DGKB: variants seen among roughly 807,000 people sequenced by gnomAD.
DGKB encodes 90 kDa diacylglycerol kinase.
In DGKB, 67 loss-of-function variants were observed where a neutral mutation model predicts 114.3. The ratio of observed to expected loss-of-function variants is 0.59; its 90% CI spans 0.48 to 0.72. The LOEUF (loss-of-function observed/expected upper bound fraction) is 0.72, where lower values mean the gene tolerates loss of function less well. Ranked by LOEUF, DGKB falls within the 30% of genes least tolerant of loss-of-function variation. DGKB has a pLI of 0.00. For synonymous variants in DGKB, 398 were observed against 323.1 expected (o/e 1.23, Z -2.49); for missense variants, 907 against 975.2 (o/e 0.93, Z 0.93).
intron 23 of DGKB, among the ~76,000 whole-genome samples, chr7:14,259,770 G>T (rs939371268): frequency 6.6e-6 from 1 of 151,938 alleles, no homozygotes; most frequent in African/African-American, 2.4e-5. Context: ...CGTTTGCCTT[G>T]TAACTATAGA....
At position 14,959,331 on chromosome 7, in the gene DGKB, T is replaced by C. The variant is rs1043089972; in HGVS notation, c.-188+15365A>G. 3.3e-5 allele frequency among the ~76,000 whole-genome samples: 5 copies of C among 151,968 alleles called. No individual in the cohort carries two copies. The East Asian group carries it at 5.8e-4, about 18-fold the overall frequency. ...GCTACTGATTTTGACAGACTGATTT[T>C]ATACCTAGCTGACTAATTTTATACC... On this transcript the variant is annotated intron_variant, in intron 1 of 4. Coordinates refer to the DGKB transcript ENST00000437998.
intron 25 of DGKB, among the ~76,000 whole-genome samples, chr7:14,174,704 C>G (rs1451447301): frequency 6.6e-6 from 1 of 152,108 alleles, no homozygotes; most frequent in Non-Finnish European, 1.5e-5. Context: ...TCCACCATCA[C>G]GGTAGCAGCT....
intron 23 of DGKB, among the ~76,000 whole-genome samples, chr7:14,185,892 T>C (rs11977252): frequency 0.019 from 2,828 of 152,266 alleles, 77 homozygotes; most frequent in African/African-American, 0.064. Flanking sequence ...GACTTAAACC[T>C]AAGACCTGAA....
intron 21 of DGKB, among the ~76,000 whole-genome samples, chr7:14,347,376 G>A (rs1290874096): frequency 6.6e-6 from 1 of 151,958 alleles, no homozygotes; most frequent in Non-Finnish European, 1.5e-5. Context: ...ATGGAAAACA[G>A]TACTAAGTTT....
At chr7:14,621,074 A>T (rs1336563158) in intron 15 of DGKB, 1 of 218,772 alleles carries the variant, frequency 4.6e-6, no homozygotes, top group Non-Finnish European at 8.8e-6. Context: ...CCTGTAAATA[A>T]ATAACACATA....
chr7:14,871,404 G>A (rs1022662638), intron 1 of DGKB, among the ~76,000 whole-genome samples: 1 of 152,134 alleles, frequency 6.6e-6, no homozygotes, highest in African/African-American at 2.4e-5. Flanking sequence ...ACGGGAAAGG[G>A]GAGATGCTGG....
chr7:14,500,011 A>G (rs1301147267), intron 20 of DGKB, among the ~76,000 whole-genome samples: 5 of 151,880 alleles, frequency 3.3e-5, no homozygotes, highest in Non-Finnish European at 7.4e-5. Context: ...AACCAGGACT[A>G]CTATAACCTA....
At chr7:14,807,324 T>C (rs1405167236) in intron 2 of DGKB, among the ~76,000 whole-genome samples, 2 of 151,940 alleles carry the variant, frequency 1.3e-5, no homozygotes, top group Admixed American at 1.3e-4. Context: ...ACAGTTCTTA[T>C]CCTAATGACC....
intron 1 of DGKB, among the ~76,000 whole-genome samples, chr7:14,901,214 C>A (rs1042929775): frequency 1.3e-5 from 2 of 152,052 alleles, no homozygotes; most frequent in African/African-American, 4.8e-5. Context: ...AGAAAATTAG[C>A]CAAGACTATT....
chr7:14,212,621 C>T lies in DGKB; in HGVS notation c.2123-34470G>A, dbSNP rs1002008583. 3.3e-5 allele frequency among the ~76,000 whole-genome samples: 5 copies of T among 152,092 alleles called. No individual in the cohort carries two copies. The South Asian group carries it at 8.3e-4, about 25-fold the overall frequency. Reference sequence around the variant, plus strand: ...TACGGCTTCAATTGCCATCATCTTGCAGATGAGCTACACATTTTAATCCCC... The same window carrying T: ...TACGGCTTCAATTGCCATCATCTTGTAGATGAGCTACACATTTTAATCCCC... On this transcript the variant is annotated intron_variant, in intron 23 of 25. Transcript: ENST00000402815.
chr7:14,529,812 A>G (rs770823519), intron 20 of DGKB, among the ~76,000 whole-genome samples: 4 of 151,768 alleles, frequency 2.6e-5, no homozygotes, highest in African/African-American at 4.8e-5. Context: ...TGGATTGTCA[A>G]TTTACATTGT....
intron 23 of DGKB, among the ~76,000 whole-genome samples, chr7:14,249,401 A>C: frequency 6.6e-6 from 1 of 152,066 alleles, no homozygotes; most frequent in East Asian, 1.9e-4. Flanking sequence ...CATTTTTTGA[A>C]GAGTTTAGGA....
chr7:14,969,028 T>C (rs1184395507), intron 1 of DGKB, among the ~76,000 whole-genome samples: 3 of 152,204 alleles, frequency 2.0e-5, no homozygotes, highest in Non-Finnish European at 2.9e-5. Context: ...GATGATTTAT[T>C]GTCTTGACCA....
At chr7:14,745,026 G>A (rs546317973) in intron 4 of DGKB, among the ~76,000 whole-genome samples, 63 of 152,178 alleles carry the variant, frequency 4.1e-4, no homozygotes, top group African/African-American at 1.4e-3. Context: ...TAACCCAGAG[G>A]TTCCTCTGGG....
At chr7:14,913,878 G>T (rs1161271707) in intron 1 of DGKB, among the ~76,000 whole-genome samples, 1 of 152,054 alleles carries the variant, frequency 6.6e-6, no homozygotes, top group Non-Finnish European at 1.5e-5. Context: ...GGAGTTCACA[G>T]AGTAAACTAC....
At chr7:14,623,470 G>A (rs1239325761) in intron 14 of DGKB, among the ~76,000 whole-genome samples, 1 of 152,082 alleles carries the variant, frequency 6.6e-6, no homozygotes, top group Admixed American at 6.6e-5. Context: ...ACCCTTCTCT[G>A]CTATCAAGCA....
intron 21 of DGKB, among the ~76,000 whole-genome samples, chr7:14,356,597 T>C (rs1288047067): frequency 3.3e-5 from 5 of 151,976 alleles, no homozygotes; most frequent in African/African-American, 9.7e-5. Flanking sequence ...CCTGACCTCG[T>C]GATCAGCCCA....
intron 2 of DGKB, among the ~76,000 whole-genome samples, chr7:14,776,231 A>G (rs926456837): frequency 1.3e-5 from 2 of 152,216 alleles, no homozygotes; most frequent in Admixed American, 6.5e-5. Flanking sequence ...GAAGCAGAGA[A>G]TGAAAGTTTG....
chr7:14,674,221 A>G (rs981525544), intron 12 of DGKB, among the ~76,000 whole-genome samples: 1 of 152,130 alleles, frequency 6.6e-6, no homozygotes, highest in Non-Finnish European at 1.5e-5. Flanking sequence ...ATGTTCATCC[A>G]TAATTAGCAG....
Sources: gnomAD v4.1 joint callset for allele counts (sites outside exome capture counted in the v4.1 genomes callset) on GRCh38, gnomAD v4.1.1 for gene constraint, MANE v1.5 for transcripts, NCBI Gene and HGNC (gene_info 2026-07-23, HGNC 2026-07-21) for gene names.